Variants in CSNK1G1 observed in about 807,000 individuals in gnomAD.
The protein encoded by CSNK1G1 is casein kinase 1 gamma 1.
Under a neutral mutation model 59.6 loss-of-function variants are expected in CSNK1G1, and 22 were observed. That is an observed-to-expected ratio of 0.37 (90% CI 0.26 to 0.53). The LOEUF (loss-of-function observed/expected upper bound fraction) is 0.53, where lower values mean the gene tolerates loss of function less well. Among genes scored for constraint, CSNK1G1 ranks in the 20% least tolerant of loss-of-function variants. The pLI, the probability that CSNK1G1 is intolerant of heterozygous loss-of-function variation, is 0.89. For synonymous variants in CSNK1G1, 179 were observed against 177.1 expected, an observed-to-expected ratio of 1.01 and a Z score of -0.08; for missense variants, 384 against 519.5, an observed-to-expected ratio of 0.74 and a Z score of 2.54.
chr15:64,188,621 G>A lies in CSNK1G1; in HGVS notation c.1108-8167C>T. On this transcript the variant is annotated intron_variant, in intron 10 of 11. Coordinates refer to ENST00000303052, the MANE Select transcript of CSNK1G1 (RefSeq NM_022048.5). The surrounding 1 kb of genome is among the most constrained non-coding windows in gnomAD (Gnocchi z 4.2). ...TTTGGATTTTAAACTAACAACCACTGGAAAGCAGTGAGGAAAAGTAAGCTT... is the reference window on the plus strand; with the variant it reads ...TTTGGATTTTAAACTAACAACCACTAGAAAGCAGTGAGGAAAAGTAAGCTT... 1 of 654,742 alleles carries A rather than the reference G, an allele frequency of 1.5e-6. No individual in the cohort carries two copies. The highest frequency in any genetic ancestry group is 2.6e-6 in the Non-Finnish European group (1 of 378,956). 40.6% of individuals were successfully genotyped at this position (654,742 alleles called of 1,614,324 possible). A position where few individuals can be genotyped will look rare whatever the true frequency, so the allele number is the denominator to read the frequency against.
At chr15:64,344,388 T>C (rs1897833892) in intron 1 of CSNK1G1, among the ~76,000 whole-genome samples, 1 of 152,248 alleles carries the variant, frequency 6.6e-6, no homozygotes, top group African/African-American at 2.4e-5. Flanking sequence ...TGTTGCTTTA[T>C]GGCATTAAAT....
intron 6 of CSNK1G1, among the ~76,000 whole-genome samples, chr15:64,208,319 G>A (rs2082208565): frequency 6.6e-6 from 1 of 152,120 alleles, no homozygotes; most frequent in Admixed American, 6.6e-5. Flanking sequence ...GCAACATAAT[G>A]AGACCTCATC....
chr15:64,186,757 C>T (rs768011067), intron 10 of CSNK1G1, among the ~76,000 whole-genome samples: 4 of 152,162 alleles, frequency 2.6e-5, no homozygotes, highest in Non-Finnish European at 5.9e-5. Context: ...GATCCTCCTG[C>T]CTAGGCTTCT....
intron 11 of CSNK1G1, among the ~76,000 whole-genome samples, chr15:64,172,919 G>A (rs1395629830): frequency 6.6e-6 from 1 of 152,150 alleles, no homozygotes; most frequent in Non-Finnish European, 1.5e-5. Flanking sequence ...AGGCAGTCCA[G>A]AAGCAGGTGA....
chr15:64,193,178 G>A (rs2081994510), intron 10 of CSNK1G1, among the ~76,000 whole-genome samples: 1 of 151,914 alleles, frequency 6.6e-6, no homozygotes, highest in Non-Finnish European at 1.5e-5. Flanking sequence ...ATATGGTGGG[G>A]GTAAGACGGA....
chr15:64,192,298 A>G (rs1244813348), intron 10 of CSNK1G1, among the ~76,000 whole-genome samples: 3 of 152,198 alleles, frequency 2.0e-5, no homozygotes, highest in Non-Finnish European at 2.9e-5. Context: ...AAGTCCCCCA[A>G]AGCAGGAGCA....
chr15:64,204,928 A>G lies in CSNK1G1; in HGVS notation c.787T>C (p.Tyr263His). 1 of 1,607,788 alleles carries G rather than the reference A, an allele frequency of 6.2e-7. No individual in the cohort carries two copies. The highest frequency in any genetic ancestry group is 8.5e-7 in the Non-Finnish European group (1 of 1,174,350). The change falls in exon 8 of 12, where the codon TAT (tyrosine) becomes CAT (histidine). Residue 263 changes from tyrosine (Y) to histidine (H), a missense_variant. Around this residue, in one of 3 missense-constraint regions of CSNK1G1, gnomAD observed 325 missense variants for 440.9 expected, o/e 0.74. Transcript: ENST00000303052. ...GLKADTLKER[Y>H]QKIGDTKRNT... is the part of the protein sequence containing the mutation. ...CTTTTGGTGTCACCAATTTTTTGAT[A>G]TCTCTCTTTTAATGTGTCAGCCTGT...
At chr15:64,209,116 G>A (rs2082219627) in intron 6 of CSNK1G1, among the ~76,000 whole-genome samples, 1 of 151,840 alleles carries the variant, frequency 6.6e-6, no homozygotes, top group South Asian at 2.1e-4. Context: ...TGAACTCCTG[G>A]GCCAATCAAG....
At chr15:64,234,210 C>CA (rs2082585652) in intron 4 of CSNK1G1, among the ~76,000 whole-genome samples, 1 of 152,132 alleles carries the variant, frequency 6.6e-6, no homozygotes, top group Admixed American at 6.5e-5. Context: ...AAACACCCCC[C>CA]TCACCCTTTA....
rs1567371069 is a variant in CSNK1G1 at position 64,203,182 on chromosome 15, G to A, written c.1007C>T (p.Pro336Leu). 2 of 1,612,180 alleles carry A rather than the reference G, an allele frequency of 1.2e-6. No individual in the cohort carries two copies. Among genetic ancestry groups the A allele is most frequent in the Non-Finnish European group, 1.7e-6 (2 of 1,178,448 alleles). ...AGAATCTACGTGAACTGACCCTACT[G>A]GAGTAGGCTAGAAAAATGAAACAAA... ...YDWVGRPIPTPVGSVHVDSGA... is the reference protein window; with the variant it reads ...YDWVGRPIPTLVGSVHVDSGA... Residue 336 changes from proline to leucine, a missense_variant, in exon 10 of 12, where the codon CCA (proline) becomes CTA (leucine). Around this residue, in one of 3 missense-constraint regions of CSNK1G1, gnomAD observed 325 missense variants for 440.9 expected, o/e 0.74. Transcript: ENST00000303052.
At chr15:64,197,260 C>T (rs2082050510) in intron 10 of CSNK1G1, among the ~76,000 whole-genome samples, 1 of 152,206 alleles carries the variant, frequency 6.6e-6, no homozygotes, top group Non-Finnish European at 1.5e-5. Context: ...GCCCTAGGCT[C>T]AGATTTCCCA....
chr15:64,230,184 A>G (rs1381465066), intron 4 of CSNK1G1, among the ~76,000 whole-genome samples: 1 of 151,978 alleles, frequency 6.6e-6, no homozygotes, highest in Non-Finnish European at 1.5e-5. Flanking sequence ...TATAGGCGTG[A>G]GCCACCATGC....
At chr15:64,236,142 C>CAAAAA (rs532663571) in intron 4 of CSNK1G1, among the ~76,000 whole-genome samples, 246 of 64,692 alleles carry the variant, frequency 3.8e-3, no homozygotes, top group East Asian at 6.4e-3. Context: ...GACTCCATCT[C>CAAAAA]AAAAAAAAAA....
At chr15:64,313,374 C>T (rs906952510) in intron 1 of CSNK1G1, among the ~76,000 whole-genome samples, 2 of 151,920 alleles carry the variant, frequency 1.3e-5, no homozygotes, top group African/African-American at 2.4e-5. Context: ...TGATAGACTG[C>T]ATAAAGAAAA....
chr15:64,238,518 A>AAAAT (rs1555396879), intron 4 of CSNK1G1, among the ~76,000 whole-genome samples: 129 of 49,224 alleles, frequency 2.6e-3, no homozygotes, highest in South Asian at 6.4e-3. Flanking sequence ...AAAAAAAAAA[A>AAAAT]ATATATATAT....
chr15:64,230,731 G>T lies in CSNK1G1; in HGVS notation c.293-14018C>A, dbSNP rs564543665. Among the ~76,000 whole-genome samples the T allele has an allele frequency of 9.2e-5, 14 of 152,272 alleles. No homozygotes were observed. In the South Asian group the frequency reaches 2.7e-3, roughly 29 times the overall value. Reference sequence around the variant, plus strand: ...CTCACGCCTGTAATCCCACCACTTTGGGAGGCCAAGGTGGGTGGATCACTA... The same window carrying T: ...CTCACGCCTGTAATCCCACCACTTTTGGAGGCCAAGGTGGGTGGATCACTA... On this transcript the variant is annotated intron_variant, in intron 4 of 11. Transcript: ENST00000303052.
intron 2 of CSNK1G1, chr15:64,265,987 G>A (rs1892962584): frequency 6.1e-6 from 2 of 326,646 alleles, no homozygotes; most frequent in Non-Finnish European, 6.2e-6. Flanking sequence ...GGTAGACTGA[G>A]ATGGGAAGAA....
chr15:64,314,556 C>T (rs1438488445), intron 1 of CSNK1G1, among the ~76,000 whole-genome samples: 1 of 103,474 alleles, frequency 9.7e-6, no homozygotes, highest in Admixed American at 1.3e-4. Context: ...CCACACTGTA[C>T]CACAGAATTA....
intron 9 of CSNK1G1, 139 bp downstream of exon 9, chr15:64,204,302 G>C: frequency 1.5e-6 from 1 of 670,554 alleles, no homozygotes. Context: ...GACAAGGCTA[G>C]TAAATATACA....
Sources: gnomAD v4.1 joint callset for allele counts (sites outside exome capture counted in the v4.1 genomes callset) on GRCh38, gnomAD v4.1.1 for gene constraint, gnomAD v4.1.1 regional missense constraint, Gnocchi (gnomAD v3.1) non-coding constraint, MANE v1.5 for transcripts, NCBI Gene and HGNC (gene_info 2026-07-23, HGNC 2026-07-21) for gene names.